The following GET4 variants were observed in gnomAD, a reference collection of about 807,000 sequenced individuals.
GET4 encodes the protein guided entry of tail-anchored proteins factor 4.
GET4 carries 20 observed loss-of-function variants against 40.0 expected under a neutral mutation model. The ratio of observed to expected loss-of-function variants is 0.50; its 90% CI spans 0.35 to 0.73. The LOEUF is 0.73. Ranked by LOEUF, GET4 falls within the 30% of genes least tolerant of loss-of-function variation. The probability of loss-of-function intolerance (pLI) is 0.01; values close to 1 mark genes in which losing one functional copy is unlikely to be tolerated. For synonymous variants in GET4, 280 were observed against 194.6 expected, an observed-to-expected ratio of 1.44 and a Z score of -3.65; for missense variants, 557 against 454.0, an observed-to-expected ratio of 1.23 and a Z score of -2.06.
At chr7:883,627 C>T (rs969608494) in intron 1 of GET4, 21 of 985,340 alleles carry the variant, frequency 2.1e-5, no homozygotes, top group Non-Finnish European at 2.4e-5. Context: ...CTGGAAGGCA[C>T]GTCTGGGTGT....
chr7:878,602 C>A (rs1302155801), intron 1 of GET4, among the ~76,000 whole-genome samples: 1 of 141,040 alleles, frequency 7.1e-6, no homozygotes, highest in East Asian at 2.1e-4. Flanking sequence ...GCGACGGAGT[C>A]TCGCTCTGTC....
At position 887,453 on chromosome 7, in the gene GET4, A is replaced by G; in HGVS notation, c.400A>G (p.Ser134Gly). The G allele has an allele frequency of 6.3e-7, 1 of 1,595,248 alleles. No individual in the cohort carries two copies. Among genetic ancestry groups the G allele is most frequent in the Non-Finnish European group, 8.6e-7 (1 of 1,168,816 alleles). Residue 134 changes from serine to glycine, a missense_variant, in exon 4 of 9, where the codon AGT becomes GGT. Ser to Gly is a moderately conservative substitution (Grantham distance 56). Transcript: ENST00000265857. ...TFVSRALKWSSGGSGKLGHPR... is the reference protein window; with the variant it reads ...TFVSRALKWSGGGSGKLGHPR... ...TGTGTCCAGAGCCCTGAAGTGGTCC[A>G]GTGGGGGCTCCGGGAAGCTGGGCCA...
rs878882935 is a variant in GET4 at position 893,596 on chromosome 7, A to G, written c.747-144A>G. On this transcript the variant is annotated intron_variant, in intron 6 of 8. Coordinates refer to ENST00000265857, the MANE Select transcript of GET4 (RefSeq NM_015949.3). ...TGGTGGTTGCAGGTGAGTGTTGGGC[A>G]TGGGCGCGGTGTGTGCAGGTGAGTG... 410 of 248,802 alleles carry G rather than the reference A, an allele frequency of 1.6e-3. 2 individuals are homozygous for G. The highest frequency in any genetic ancestry group is 4.0e-3 in the Middle Eastern group (4 of 1,000). The allele number at this position is 248,802 out of a possible 1,614,324, so 15.4% of individuals were successfully genotyped here.
At chr7:892,788 T>C (rs914776017) in intron 6 of GET4, among the ~76,000 whole-genome samples, 1 of 148,880 alleles carries the variant, frequency 6.7e-6, no homozygotes, top group Non-Finnish European at 1.5e-5. Context: ...TGTGTAGACG[T>C]GTATACAGGT....
chr7:895,465 G>C lies in GET4; in HGVS notation c.*43G>C, dbSNP rs1417876120. 1 of 1,065,588 alleles carries C rather than the reference G, an allele frequency of 9.4e-7. No homozygotes were observed. Among genetic ancestry groups the C allele is most frequent in the African/African-American group, 1.6e-5 (1 of 63,896 alleles). The allele number at this position is 1,065,588 out of a possible 1,614,324, so 66.0% of individuals were successfully genotyped here. ...GAGACACCACGGTCGACGACGGCTG[G>C]AGGGACGTTTCAGAGGCGAGTCCTG... On this transcript the variant is annotated 3_prime_UTR_variant, in exon 9 of 9. Transcript: ENST00000265857.
At position 876,724 on chromosome 7, in the gene GET4, G is replaced by T; in HGVS notation, c.79G>T (p.Glu27Ter). The T allele has an allele frequency of 7.3e-7, 1 of 1,379,124 alleles. No homozygotes were observed. Among genetic ancestry groups the T allele is most frequent in the Non-Finnish European group, 9.5e-7 (1 of 1,050,958 alleles). The allele number at this position is 1,379,124 out of a possible 1,614,324, so 85.4% of individuals were successfully genotyped here. A position where few individuals can be genotyped will look rare whatever the true frequency, so the allele number is the denominator to read the frequency against. Residue 27 changes from glutamate (E) to a stop codon, truncating the protein, a stop_gained, in exon 1 of 9, where the codon GAG (glutamate) becomes TAG (stop). Coordinates refer to ENST00000265857, the MANE Select transcript of GET4 (RefSeq NM_015949.3). LOFTEE classifies it high-confidence loss of function. ...GRNRGGVQRV[E>*]GKLRASVEKG... ...CAACCGCGGCGGCGTCCAGCGTGTG[G>T]AGGGCAAGCTGCGCGCCAGCGTCGA...
rs776820161 is a variant in GET4, at chr7:886,083, G to T, written c.183G>T (p.Glu61Asp). The change falls in exon 2 of 9, where the codon GAG becomes GAT. Residue 61 changes from glutamate (E) to aspartate (D), a missense_variant. Physicochemically the swap from Glu to Asp is conservative, Grantham distance 45 (BLOSUM62 2). Coordinates refer to ENST00000265857, the MANE Select transcript of GET4 (RefSeq NM_015949.3). ...FRYMSQSKHT[E>D]ARELMYSGAL... ...ACATGTCCCAGAGCAAGCACACGGA[G>T]GCCCGGGAGCTCATGTACTCGGGAG... 1.3e-5 allele frequency: 21 copies of T among 1,610,158 alleles called. No individual in the cohort carries two copies. The East Asian group carries it at 4.5e-4, about 34-fold the overall frequency.
At chr7:876,850 C>G in intron 1 of GET4, 50 bp downstream of exon 1, 1 of 1,029,288 alleles carries the variant, frequency 9.7e-7, no homozygotes. Flanking sequence ...CCCGCCGCCT[C>G]CCATTGGCCG....
rs375741626 is a variant in GET4 at position 889,778 on chromosome 7, CG to C, written c.467-1146del. Among the ~76,000 whole-genome samples the C allele has an allele frequency of 3.0e-3, 192 of 64,688 alleles. 24 individuals carry two copies. Among genetic ancestry groups the C allele is most frequent in the Non-Finnish European group, 4.1e-3 (138 of 33,306 alleles). The allele number at this position is 64,688 out of a possible 152,430, so 42.4% of individuals were successfully genotyped here. On this transcript the variant is annotated intron_variant, in intron 4 of 8. Coordinates refer to ENST00000265857, the MANE Select transcript of GET4 (RefSeq NM_015949.3). ...GAGGGAGCGCGAGCGGGTGTTAGGA[CG>C]GGGCCTGGGAGTGGAGGGAGCGAGA...
Position 887,510 on chromosome 7 carries a change from C to T in GET4, c.457C>T (p.Leu153=), listed in dbSNP as rs1234881700. The change falls in exon 4 of 9, where the codon CTG becomes TTG. Residue 153 remains leucine (L), a synonymous_variant. Transcript: ENST00000265857. ...PRLHQLLALT[L]WKEQNYCESR... is the part of the protein sequence containing the mutation. The stretch of plus-strand genomic sequence containing the variant: ...GCTGCACCAGCTGCTGGCCCTCACC[C>T]TGTGGAAAGGTAGGCCTGGGGCCAG... 3.2e-6 allele frequency: 5 copies of T among 1,541,136 alleles called. No homozygotes were observed. The highest frequency in any genetic ancestry group is 1.4e-5 in the African/African-American group (1 of 72,400).
At chr7:881,597 T>C (rs1220519640) in intron 1 of GET4, 1 of 152,246 alleles carries the variant, frequency 6.6e-6, no homozygotes, top group African/African-American at 2.4e-5. Flanking sequence ...CAAAAGATAC[T>C]GTTTGTTGAC....
At chr7:891,609 C>T (rs1287567163) in intron 5 of GET4, among the ~76,000 whole-genome samples, 1 of 152,212 alleles carries the variant, frequency 6.6e-6, no homozygotes, top group Admixed American at 6.5e-5. Flanking sequence ...CCTTCGCTTC[C>T]TTTCTCACGA....
chr7:893,211 AGGTGAGTGTTG>A (rs1844375391), intron 6 of GET4, among the ~76,000 whole-genome samples: 6 of 123,970 alleles, frequency 4.8e-5, no homozygotes, highest in Non-Finnish European at 8.2e-5. Flanking sequence ...TGGTGTGTGC[AGGTGAGTGTTG>A]GGCGTGGGCG....
At chr7:889,432 A>G (rs1017403364) in intron 4 of GET4, among the ~76,000 whole-genome samples, 12 of 152,346 alleles carry the variant, frequency 7.9e-5, no homozygotes, top group Middle Eastern at 3.4e-3. Flanking sequence ...ACCCATAGGT[A>G]AAGGTTTGGG....
chr7:881,985 G>A (rs1016646761), intron 1 of GET4: 1 of 152,238 alleles, frequency 6.6e-6, no homozygotes, highest in African/African-American at 2.4e-5. Context: ...CTCCATCCAA[G>A]TTCCTGCAAA....
intron 1 of GET4, chr7:884,343 CG>C: frequency 7.7e-7 from 1 of 1,303,812 alleles, no homozygotes. Flanking sequence ...GGAACTAGGA[CG>C]GCCGGTCACA....
intron 1 of GET4, chr7:884,377 T>G (rs1460273076): frequency 4.1e-5 from 53 of 1,300,374 alleles, no homozygotes; most frequent in Non-Finnish European, 5.2e-5. Context: ...CTGTCGAGGC[T>G]CCTGCTGTGG....
intron 1 of GET4, chr7:882,548 C>A (rs1207926016): frequency 6.6e-6 from 1 of 152,410 alleles, no homozygotes; most frequent in East Asian, 1.9e-4. Flanking sequence ...CCGGGGATGG[C>A]GCGGGTTGTG....
intron 1 of GET4, chr7:884,491 C>G (rs1486610949): frequency 1.7e-6 from 1 of 576,394 alleles, no homozygotes; most frequent in South Asian, 1.9e-5. Context: ...GGGGCACTTT[C>G]TCTCTTGGGT....
Sources: allele counts gnomAD v4.1 joint callset (sites outside exome capture counted in the v4.1 genomes callset), GRCh38; gene constraint gnomAD v4.1.1; transcripts MANE v1.5; gene names NCBI Gene and HGNC (gene_info 2026-07-23, HGNC 2026-07-21).